TUT7: variants seen among roughly 807,000 people sequenced by gnomAD.
TUT7 encodes the protein terminal uridylyltransferase 7.
In TUT7, 33 loss-of-function variants were observed where a neutral mutation model predicts 165.9. The ratio of observed to expected loss-of-function variants is 0.20; its 90% CI spans 0.15 to 0.27. TUT7 has a LOEUF of 0.27. Among genes scored for constraint, TUT7 ranks in the 10% least tolerant of loss-of-function variants. The pLI is 1.00. For missense variants in TUT7, 1,338 were observed against 1,762.3 expected (o/e 0.76, Z 4.31); for synonymous variants, 552 against 608.1 (o/e 0.91, Z 1.36).
At chr9:86,293,474 A>T (rs1182791731) in intron 26 of TUT7, among the ~76,000 whole-genome samples, 3 of 152,128 alleles carry the variant, frequency 2.0e-5, no homozygotes, top group Admixed American at 1.3e-4. Context: ...ACAAAGAAAG[A>T]TAGATGAAAT....
chr9:86,341,779 C>A (rs1831349200), intron 6 of TUT7, among the ~76,000 whole-genome samples: 1 of 152,148 alleles, frequency 6.6e-6, no homozygotes, highest in African/African-American at 2.4e-5. Flanking sequence ...TAGAACTCAG[C>A]TTAAATGTTC....
At chr9:86,299,201 GAACA>G (rs1421719977) in intron 26 of TUT7, among the ~76,000 whole-genome samples, 1 of 152,172 alleles carries the variant, frequency 6.6e-6, no homozygotes, top group Admixed American at 6.5e-5. Context: ...AGGTTTACCT[GAACA>G]AATAAACCAG....
chr9:86,317,200 A>G lies in TUT7; in HGVS notation c.3274+19T>C, dbSNP rs759043690. ...ATTAAAAAGTCAGAAATATTTTTAG[A>G]AAAAGTTTACAGAGGTACCTGAATG... On this transcript the variant is annotated intron_variant, in intron 17 of 26. Transcript: ENST00000375963. The G allele has an allele frequency of 6.2e-7, 1 of 1,608,380 alleles. No individual in the cohort carries two copies. Among genetic ancestry groups the G allele is most frequent in the Non-Finnish European group, 8.5e-7 (1 of 1,175,584 alleles).
chr9:86,350,293 T>C (rs1014646869), intron 2 of TUT7, among the ~76,000 whole-genome samples: 1 of 152,206 alleles, frequency 6.6e-6, no homozygotes, highest in African/African-American at 2.4e-5. Flanking sequence ...ATCGCACCAC[T>C]GCACTCCAGC....
At position 86,319,331 on chromosome 9, in the gene TUT7, A is replaced by G. The variant is rs139844878; in HGVS notation, c.3115+253T>C. Among the ~76,000 whole-genome samples, 753 of 152,326 alleles carry G rather than the reference A, an allele frequency of 4.9e-3. 4 individuals are homozygous for G. The highest frequency in any genetic ancestry group is 0.017 in the African/African-American group (718 of 41,560). On this transcript the variant is annotated intron_variant, in intron 15 of 26. Coordinates refer to ENST00000375963, the MANE Select transcript of TUT7 (RefSeq NM_024617.4). ...TCAAGGAAAATGTTAGATCACCTCA[A>G]CACATTTAATAATGTAAGCTTAACT...
chr9:86,325,012 G>A (rs1361924243), intron 12 of TUT7, among the ~76,000 whole-genome samples: 3 of 152,108 alleles, frequency 2.0e-5, no homozygotes, highest in African/African-American at 7.2e-5. Context: ...AGGTGAGAAT[G>A]GTAAAGAGGA....
Position 86,322,987 on chromosome 9 carries a change from C to A in TUT7, c.2763G>T (p.Val921=). The A allele has an allele frequency of 6.2e-7, 1 of 1,613,988 alleles. No individual in the cohort carries two copies. The highest frequency in any genetic ancestry group is 1.3e-5 in the African/African-American group (1 of 74,980). Residue 921 remains valine, a synonymous_variant, in exon 13 of 27, where the codon GTG becomes GTT. Coordinates refer to ENST00000375963, the MANE Select transcript of TUT7 (RefSeq NM_024617.4). The part of the protein sequence containing the change: ...CGKHVERALL[V]ELNKISLKEE... ...CCTTGAGACTTATTTTATTAAGTTC[C>A]ACTAGGAGAGCTCTTTCTACATGTT... is the stretch of plus-strand genomic sequence containing the variant.
intron 10 of TUT7, among the ~76,000 whole-genome samples, chr9:86,328,788 C>G (rs1310329627): frequency 6.6e-6 from 1 of 152,104 alleles, no homozygotes; most frequent in Non-Finnish European, 1.5e-5. Flanking sequence ...CTGCCTGGTC[C>G]CAAATCTCAG....
chr9:86,323,054 A>G lies in TUT7; in HGVS notation c.2696T>C (p.Leu899Ser). 2 of 1,614,194 alleles carry G rather than the reference A, an allele frequency of 1.2e-6. No homozygotes were observed. The highest frequency in any genetic ancestry group is 1.7e-6 in the Non-Finnish European group (2 of 1,180,032). ...GTCTTCATACTTAGCAGCTTCGCCTAACTCATCATCCTCTTCAGATAGGGC... is the reference window on the plus strand; with the variant it reads ...GTCTTCATACTTAGCAGCTTCGCCTGACTCATCATCCTCTTCAGATAGGGC... Reference protein sequence around the residue: ...EDALSEEDDELGEAAKYEDVK... With the variant: ...EDALSEEDDESGEAAKYEDVK... The change falls in exon 13 of 27, where the codon TTA (leucine) becomes TCA (serine). Residue 899 changes from leucine to serine, a missense_variant. Coordinates refer to ENST00000375963, the MANE Select transcript of TUT7 (RefSeq NM_024617.4).
chr9:86,343,038 C>T (rs1240183993), intron 6 of TUT7, 37 bp downstream of exon 6: 2 of 1,290,850 alleles, frequency 1.5e-6, no homozygotes, highest in East Asian at 4.8e-5. Flanking sequence ...AATTTCCATA[C>T]CACTCTGAAA....
chr9:86,322,193 G>T (rs959533181), intron 14 of TUT7, 132 bp downstream of exon 14: 2 of 748,912 alleles, frequency 2.7e-6, no homozygotes, highest in African/African-American at 1.8e-5. Flanking sequence ...GAACGCTTGA[G>T]GATACAATGG....
intron 10 of TUT7, among the ~76,000 whole-genome samples, chr9:86,331,490 ATTTTTATTT>A (rs1830310762): frequency 1.3e-5 from 2 of 152,196 alleles, no homozygotes; most frequent in African/African-American, 4.8e-5. Flanking sequence ...TATTCCATCA[ATTTTTATTT>A]CATGTATTTT....
intron 10 of TUT7, 129 bp from the exon 11 acceptor site, chr9:86,328,621 C>A: frequency 1.5e-6 from 1 of 654,066 alleles, no homozygotes; most frequent in Non-Finnish European, 2.4e-6. Flanking sequence ...TATGGACTAT[C>A]ACAGAGACAT....
intron 10 of TUT7, among the ~76,000 whole-genome samples, chr9:86,335,551 C>G (rs1830686546): frequency 1.3e-5 from 2 of 152,146 alleles, no homozygotes; most frequent in South Asian, 4.1e-4. Flanking sequence ...AACTTCCTGA[C>G]AGGGAATTTG....
rs35842173 is a variant in TUT7 at position 86,317,077 on chromosome 9, A to ATT, written c.3274+140_3274+141dup. On this transcript the variant is annotated intron_variant, in intron 17 of 26. Transcript: ENST00000375963. The stretch of plus-strand genomic sequence containing the variant: ...ATATAAGGAACTTGAGCATCTAAGG[A>ATT]TTTTTTTTATCTGCTGGGGAAGGGA... 1.2e-4 allele frequency: 78 copies of ATT among 649,104 alleles called. No individual in the cohort carries two copies. In the Admixed American group the frequency reaches 1.4e-3, roughly 12 times the overall value. The allele number at this position is 649,104 out of a possible 1,614,324, so 40.2% of individuals were successfully genotyped here.
chr9:86,302,256 C>T (rs543729112), intron 25 of TUT7, among the ~76,000 whole-genome samples: 4 of 152,254 alleles, frequency 2.6e-5, no homozygotes, highest in East Asian at 3.9e-4. Context: ...CCCCAATAAA[C>T]GCCACCAGAA....
At position 86,352,681 on chromosome 9, in the gene TUT7, A is replaced by G; in HGVS notation, c.519T>C (p.Pro173=). Residue 173 remains proline (P), a splice_region_variant and synonymous_variant, in exon 2 of 27, where the codon CCT becomes CCC. Coordinates refer to ENST00000375963, the MANE Select transcript of TUT7 (RefSeq NM_024617.4). The part of the protein sequence containing the change: ...ETTSEMEAGS[P]ENKKQRSRPR... ...ATCTGACAAGTTGGAAAACATTACC[A>G]GGACTTCCTGCTTCCATTTCTGACG... 1 of 1,614,242 alleles carries G rather than the reference A, an allele frequency of 6.2e-7. No homozygotes were observed. Among genetic ancestry groups the G allele is most frequent in the East Asian group, 2.2e-5 (1 of 44,886 alleles).
chr9:86,321,004 A>G (rs752184675), intron 14 of TUT7, among the ~76,000 whole-genome samples: 1 of 152,002 alleles, frequency 6.6e-6, no homozygotes, highest in Admixed American at 6.6e-5. Flanking sequence ...AACACCACCA[A>G]CCTTTACATA....
intron 2 of TUT7, among the ~76,000 whole-genome samples, chr9:86,350,156 C>A (rs1267914777): frequency 2.0e-5 from 3 of 152,098 alleles, no homozygotes; most frequent in African/African-American, 7.2e-5. Context: ...CATGCTAAAA[C>A]CCCAACTCTA....
Sources: allele counts gnomAD v4.1 joint callset (sites outside exome capture counted in the v4.1 genomes callset), GRCh38; gene constraint gnomAD v4.1.1; transcripts MANE v1.5; gene names NCBI Gene and HGNC (gene_info 2026-07-23, HGNC 2026-07-21).